HNRNPR: variants seen among roughly 807,000 people sequenced by gnomAD.
HNRNPR encodes the protein heterogeneous nuclear ribonucleoprotein R.
In HNRNPR, 4 loss-of-function variants were observed where a neutral mutation model predicts 70.3. That is an observed-to-expected ratio of 0.06 (90% CI 0.03 to 0.13). HNRNPR has a LOEUF of 0.13. HNRNPR is among the 10% of genes least tolerant of loss of function. The probability of loss-of-function intolerance (pLI) is 1.00; values close to 1 mark genes in which losing one functional copy is unlikely to be tolerated. For synonymous variants in HNRNPR, 241 were observed against 267.6 expected, an observed-to-expected ratio of 0.90 and a Z score of 0.97; for missense variants, 423 against 788.5, an observed-to-expected ratio of 0.54 and a Z score of 5.55.
At chr1:23,335,978 G>T (rs1471912782) in intron 4 of HNRNPR, among the ~76,000 whole-genome samples, 2 of 148,866 alleles carry the variant, frequency 1.3e-5, no homozygotes, top group African/African-American at 5.0e-5. Flanking sequence ...TTAGCCGGGC[G>T]TAGTGGCGGG....
At chr1:23,328,504 T>C (rs1646088041) in intron 5 of HNRNPR, among the ~76,000 whole-genome samples, 1 of 152,132 alleles carries the variant, frequency 6.6e-6, no homozygotes, top group Admixed American at 6.6e-5. Context: ...GTTGTTGTTG[T>C]TGTTGCTGTT....
chr1:23,338,852 C>T (rs1033280063), intron 2 of HNRNPR, among the ~76,000 whole-genome samples: 1 of 152,106 alleles, frequency 6.6e-6, no homozygotes, highest in Non-Finnish European at 1.5e-5. Context: ...ACAAACCTCC[C>T]CCGCCAAATC....
At chr1:23,316,796 A>T (rs1435580686) in intron 8 of HNRNPR, among the ~76,000 whole-genome samples, 1 of 152,190 alleles carries the variant, frequency 6.6e-6, no homozygotes, top group Non-Finnish European at 1.5e-5. Context: ...GCTAGTAAAA[A>T]ATCAAAATAA....
At chr1:23,311,557 C>T (rs1406845497) in intron 9 of HNRNPR, 3 of 337,172 alleles carry the variant, frequency 8.9e-6, no homozygotes, top group African/African-American at 4.3e-5. Context: ...AAACCGACCA[C>T]CTGATATTAT....
chr1:23,338,594 C>T lies in HNRNPR; in HGVS notation c.172G>A (p.Val58Ile), dbSNP rs908461650. ...TCAATTGCTCTTTCATCAAGATCGA[C>T]ATAAGCTACCAATCCTAAAAATTAA... ...EIFQTGLVAY[V>I]DLDERAIDAL... is the part of the protein sequence containing the mutation. Residue 58 changes from valine (V) to isoleucine (I), a missense_variant, in exon 3 of 11, where the codon GTC becomes ATC. Physicochemically the swap from Val to Ile is conservative, Grantham distance 29. Transcript: ENST00000302271. 1.3e-5 allele frequency: 21 copies of T among 1,571,700 alleles called. No individual in the cohort carries two copies. Among genetic ancestry groups the T allele is most frequent in the Non-Finnish European group, 1.8e-5 (21 of 1,153,076 alleles).
At position 23,318,719 on chromosome 1, in the gene HNRNPR, A is replaced by G. The variant is rs761784072; in HGVS notation, c.812-31T>C. On this transcript the variant is annotated intron_variant, in intron 7 of 10. Coordinates refer to ENST00000302271, the MANE Select transcript of HNRNPR (RefSeq NM_005826.5). The surrounding 1 kb of genome is among the most constrained non-coding windows in gnomAD (Gnocchi z 4.2). ...AAACCAACAGCCAGATATATAAGCC[A>G]AAAGCATCCACCACACATCTAGCGA... 5.6e-6 allele frequency: 9 copies of G among 1,608,006 alleles called. No individual in the cohort carries two copies. The highest frequency in any genetic ancestry group is 3.4e-5 in the Admixed American group (2 of 59,468).
intron 5 of HNRNPR, among the ~76,000 whole-genome samples, chr1:23,331,686 T>C (rs1425967967): frequency 2.7e-5 from 4 of 150,246 alleles, no homozygotes; most frequent in Admixed American, 6.6e-5. Flanking sequence ...AAACACAAAA[T>C]AGCTGGGTTT....
Position 23,331,789 on chromosome 1 carries a change from T to C in HNRNPR, c.498+1729A>G, listed in dbSNP as rs185471414. On this transcript the variant is annotated intron_variant, in intron 5 of 10. Transcript: ENST00000302271. ...AGTCTGAGGCTGCAGTGTGCTATGA[T>C]CACACCACTAAACTCCAGTCTGGGT... Among the ~76,000 whole-genome samples the C allele has an allele frequency of 6.6e-5, 8 of 120,746 alleles. 1 individual carries two copies. In the Admixed American group the frequency reaches 8.1e-4, roughly 12 times the overall value. 79.2% of individuals were successfully genotyped at this position (120,746 alleles called of 152,430 possible).
intron 4 of HNRNPR, among the ~76,000 whole-genome samples, chr1:23,334,136 A>T (rs1646359517): frequency 6.7e-6 from 1 of 150,282 alleles, no homozygotes; most frequent in African/African-American, 2.5e-5. Context: ...CTGGTCAGGA[A>T]CTCCTGGCCT....
At chr1:23,324,590 A>T (rs1645889998) in intron 5 of HNRNPR, among the ~76,000 whole-genome samples, 1 of 152,010 alleles carries the variant, frequency 6.6e-6, no homozygotes, top group Non-Finnish European at 1.5e-5. Context: ...TAAATAAATA[A>T]AAAGCAATCT....
In HNRNPR at chr1:23,307,549, A is replaced by G. The variant is rs540665917; in HGVS notation, c.*2905T>C. 6.6e-5 allele frequency: 10 copies of G among 152,022 alleles called. No individual in the cohort carries two copies. The highest frequency in any genetic ancestry group is 1.2e-4 in the Non-Finnish European group (8 of 67,930). The allele number at this position is 152,022 out of a possible 1,614,324, so 9.4% of individuals were successfully genotyped here. On this transcript the variant is annotated 3_prime_UTR_variant, in exon 11 of 11. Coordinates refer to ENST00000302271, the MANE Select transcript of HNRNPR (RefSeq NM_005826.5). ...CTCATTTTAAAAAAACTACAGAATC[A>G]TAACTCATTTTCCTTATCTTTTCAC...
At chr1:23,337,216 T>C (rs913883302) in intron 4 of HNRNPR, among the ~76,000 whole-genome samples, 16 of 152,270 alleles carry the variant, frequency 1.1e-4, no homozygotes, top group South Asian at 4.1e-4. Flanking sequence ...CATCAATAAA[T>C]ATACGTCATT....
rs371049719 is a variant in HNRNPR at position 23,333,536 on chromosome 1, T to C, written c.480A>G (p.Gln160=). The change falls in exon 5 of 11, where the codon CAA becomes CAG. Residue 160 remains glutamine (Q), a synonymous_variant. Transcript: ENST00000302271. ...CACTTACCTCCGTTCCAATTCCAGGTTGCACGCCAGAGTACACACTGTCTG... is the reference window on the plus strand; with the variant it reads ...CACTTACCTCCGTTCCAATTCCAGGCTGCACGCCAGAGTACACACTGTCTG... ...PPPDSVYSGV[Q]PGIGTEVFVG... 2.5e-6 allele frequency: 4 copies of C among 1,609,968 alleles called. No individual in the cohort carries two copies. In the South Asian group the frequency reaches 3.3e-5, roughly 13 times the overall value.
At chr1:23,327,114 C>T (rs1231534765) in intron 5 of HNRNPR, among the ~76,000 whole-genome samples, 1 of 152,148 alleles carries the variant, frequency 6.6e-6, no homozygotes, top group Admixed American at 6.5e-5. Flanking sequence ...CATAAACAGA[C>T]ATCTCAGATG....
intron 4 of HNRNPR, among the ~76,000 whole-genome samples, chr1:23,334,079 A>G (rs1256430898): frequency 6.6e-6 from 1 of 151,578 alleles, no homozygotes. Context: ...ACGCCCAGCT[A>G]ATTTTTGTAT....
chr1:23,340,981 C>A lies in HNRNPR; in HGVS notation c.28G>T (p.Val10Leu). 1 of 1,612,554 alleles carries A rather than the reference C, an allele frequency of 6.2e-7. No individual in the cohort carries two copies. Among genetic ancestry groups the A allele is most frequent in the East Asian group, 2.2e-5 (1 of 44,832 alleles). ...GGTTCTTCCTCTTCTTTTAACTGTA[C>A]CGCATTACCATTCACCTGATTAGCC... The part of the protein sequence containing the change: MANQVNGNA[V>L]QLKEEEEPMD... The change falls in exon 2 of 11, where the codon GTA (valine) becomes TTA (leucine). Residue 10 changes from valine to leucine, a missense_variant. Val to Leu is a conservative substitution (Grantham distance 32, BLOSUM62 1). Coordinates refer to ENST00000302271, the MANE Select transcript of HNRNPR (RefSeq NM_005826.5).
chr1:23,328,850 G>T (rs931405452), intron 5 of HNRNPR, among the ~76,000 whole-genome samples: 1 of 152,112 alleles, frequency 6.6e-6, no homozygotes, highest in East Asian at 1.9e-4. Flanking sequence ...TGGGCATGGT[G>T]ACTCACACTT....
intron 9 of HNRNPR, among the ~76,000 whole-genome samples, chr1:23,313,238 T>C (rs577763041): frequency 6.6e-6 from 1 of 152,192 alleles, no homozygotes; most frequent in South Asian, 2.1e-4. Context: ...TTATAATGCA[T>C]TCATTACCTA....
chr1:23,318,377 T>C lies in HNRNPR; in HGVS notation c.1017+106A>G, dbSNP rs1645630705. 2.1e-6 allele frequency: 2 copies of C among 967,610 alleles called. No individual in the cohort carries two copies. The highest frequency in any genetic ancestry group is 3.1e-6 in the Non-Finnish European group (2 of 638,562). 59.9% of individuals were successfully genotyped at this position (967,610 alleles called of 1,614,324 possible). A position where few individuals can be genotyped will look rare whatever the true frequency, so the allele number is the denominator to read the frequency against. On this transcript the variant is annotated intron_variant, in intron 8 of 10. Coordinates refer to ENST00000302271, the MANE Select transcript of HNRNPR (RefSeq NM_005826.5). The surrounding 1 kb of genome is among the most constrained non-coding windows in gnomAD (Gnocchi z 4.2). The stretch of plus-strand genomic sequence containing the variant: ...CGCTCCTTGCCAAACAGTTGAAGTC[T>C]AAAGCTACAATTTCTATTTATCATA...
Sources: allele counts gnomAD v4.1 joint callset (sites outside exome capture counted in the v4.1 genomes callset), GRCh38; gene constraint gnomAD v4.1.1; non-coding constraint Gnocchi (gnomAD v3.1); transcripts MANE v1.5; gene names NCBI Gene and HGNC (gene_info 2026-07-23, HGNC 2026-07-21).